The following ITGA9 variants were observed in gnomAD, a reference collection of about 807,000 sequenced individuals.
ITGA9 encodes integrin alpha-9.
In ITGA9, 56 loss-of-function variants were observed where a neutral mutation model predicts 127.8. That is an observed-to-expected ratio of 0.44 (90% CI 0.35 to 0.55). ITGA9 has a LOEUF of 0.55. ITGA9 is among the 20% of genes least tolerant of loss of function. ITGA9 has a pLI of 0.00. For missense variants in ITGA9, 1,196 were observed against 1,347.1 expected (o/e 0.89, Z 1.76); for synonymous variants, 508 against 514.5 (o/e 0.99, Z 0.17).
At chr3:37,708,314 C>A (rs916376343) in intron 18 of ITGA9, among the ~76,000 whole-genome samples, 5 of 152,154 alleles carry the variant, frequency 3.3e-5, no homozygotes, top group African/African-American at 4.8e-5. Flanking sequence ...AGGCCTGGAA[C>A]AGACAGCATC....
intron 15 of ITGA9, among the ~76,000 whole-genome samples, chr3:37,606,970 C>CT (rs11306321): frequency 0.015 from 1,568 of 103,728 alleles, 23 homozygotes; most frequent in Middle Eastern, 0.051. Flanking sequence ...CTCATGGCTC[C>CT]TTTTTTTTTT....
At position 37,540,139 on chromosome 3, in the gene ITGA9, C is replaced by T. The variant is rs753332081; in HGVS notation, c.1529-2286C>T. On this transcript the variant is annotated intron_variant, in intron 14 of 27. Coordinates refer to ENST00000264741, the MANE Select transcript of ITGA9 (RefSeq NM_002207.3). ...CCACCCAGGTTTTCTCTGAGCTCAG[C>T]TAGTTCATCTCTGGTAAGATAGTCC... Among the ~76,000 whole-genome samples, 196 of 152,304 alleles carry T rather than the reference C, an allele frequency of 1.3e-3. 2 individuals carry two copies. The highest frequency in any genetic ancestry group is 8.3e-4 in the South Asian group (4 of 4,826).
At chr3:37,784,850 A>G in intron 25 of ITGA9, 127 bp from the exon 26 acceptor site, 1 of 733,848 alleles carries the variant, frequency 1.4e-6, no homozygotes. Flanking sequence ...AGAGGTATCT[A>G]GTTCAATGAT....
intron 4 of ITGA9, among the ~76,000 whole-genome samples, chr3:37,491,517 T>C (rs1698672990): frequency 6.6e-6 from 1 of 152,224 alleles, no homozygotes; most frequent in African/African-American, 2.4e-5. Context: ...CAGGAAAAGT[T>C]CTTCCTGGGA....
chr3:37,544,616 A>G (rs1699307735), intron 15 of ITGA9, among the ~76,000 whole-genome samples: 1 of 152,156 alleles, frequency 6.6e-6, no homozygotes, highest in Non-Finnish European at 1.5e-5. Flanking sequence ...AAGAGTTTGG[A>G]GGCTGAGCTC....
chr3:37,802,580 G>A (rs556236503), intron 26 of ITGA9, among the ~76,000 whole-genome samples: 70 of 152,290 alleles, frequency 4.6e-4, no homozygotes, highest in Non-Finnish European at 8.5e-4. Flanking sequence ...GCTTAAATGG[G>A]ACAGTGGTGT....
chr3:37,706,013 G>A (rs1448131483), intron 18 of ITGA9, among the ~76,000 whole-genome samples: 1 of 152,196 alleles, frequency 6.6e-6, no homozygotes, highest in Non-Finnish European at 1.5e-5. Context: ...ACTTAAGGTT[G>A]GAGGCAGCAA....
chr3:37,626,228 C>A (rs1057391618), intron 15 of ITGA9, among the ~76,000 whole-genome samples: 2 of 152,190 alleles, frequency 1.3e-5, no homozygotes, highest in Non-Finnish European at 1.5e-5. Flanking sequence ...GATGTCAGAA[C>A]CTGATGTAGT....
intron 17 of ITGA9, among the ~76,000 whole-genome samples, chr3:37,674,181 G>A (rs1478241814): frequency 6.6e-6 from 1 of 152,198 alleles, no homozygotes; most frequent in Non-Finnish European, 1.5e-5. Flanking sequence ...GTGTCATGAA[G>A]GAGAGGCCCC....
chr3:37,711,939 G>A (rs1701083972), intron 18 of ITGA9, among the ~76,000 whole-genome samples: 1 of 152,144 alleles, frequency 6.6e-6, no homozygotes, highest in Admixed American at 6.6e-5. Flanking sequence ...GAGCAGCCCT[G>A]CAAATACAGA....
At chr3:37,780,812 C>G (rs1696968075) in intron 25 of ITGA9, among the ~76,000 whole-genome samples, 2 of 152,180 alleles carry the variant, frequency 1.3e-5, no homozygotes, top group Non-Finnish European at 2.9e-5. Context: ...GTTCCCTTTT[C>G]TTTGCATCCT....
intron 22 of ITGA9, 70 bp downstream of exon 22, chr3:37,744,104 A>C (rs1201715246): frequency 9.7e-7 from 1 of 1,030,854 alleles, no homozygotes. Flanking sequence ...TCTCTCCTAC[A>C]GAGGGCTAAG....
chr3:37,764,435 A>G (rs1470642874), intron 23 of ITGA9, among the ~76,000 whole-genome samples: 1 of 145,972 alleles, frequency 6.9e-6, no homozygotes, highest in African/African-American at 2.5e-5. Flanking sequence ...ATTTATCCGT[A>G]TAATGCTCAG....
At chr3:37,688,648 T>G (rs1700802379) in intron 18 of ITGA9, among the ~76,000 whole-genome samples, 2 of 152,116 alleles carry the variant, frequency 1.3e-5, no homozygotes, top group South Asian at 4.2e-4. Context: ...CATACTCACT[T>G]GAATCAGTCG....
chr3:37,741,415 C>T (rs958850557), intron 20 of ITGA9, among the ~76,000 whole-genome samples: 11 of 152,182 alleles, frequency 7.2e-5, no homozygotes, highest in South Asian at 2.1e-4. Flanking sequence ...GCCGACAGCA[C>T]GACCCTCCTG....
chr3:37,782,852 T>C (rs999395350), intron 25 of ITGA9, among the ~76,000 whole-genome samples: 3 of 152,164 alleles, frequency 2.0e-5, no homozygotes, highest in Admixed American at 6.5e-5. Flanking sequence ...TTAAAATCAC[T>C]GTAGGAGCCG....
chr3:37,472,162 T>C (rs1289040646), intron 2 of ITGA9, among the ~76,000 whole-genome samples: 4 of 152,188 alleles, frequency 2.6e-5, no homozygotes, highest in East Asian at 3.8e-4. Context: ...CTGGGACTGA[T>C]TGGGAATGTC....
chr3:37,540,487 A>G (rs1256413971), intron 14 of ITGA9, among the ~76,000 whole-genome samples: 5 of 152,236 alleles, frequency 3.3e-5, no homozygotes, highest in African/African-American at 9.6e-5. Context: ...CCTGCTATCC[A>G]TGCATTCAAA....
intron 16 of ITGA9, among the ~76,000 whole-genome samples, chr3:37,653,384 AAGAC>A (rs1185240912): frequency 6.6e-6 from 1 of 152,180 alleles, no homozygotes; most frequent in Non-Finnish European, 1.5e-5. Flanking sequence ...GAGCATCTGA[AAGAC>A]AGTCTCACAC....
Sources: allele counts gnomAD v4.1 joint callset (sites outside exome capture counted in the v4.1 genomes callset), GRCh38; gene constraint gnomAD v4.1.1; transcripts MANE v1.5; gene names NCBI Gene and HGNC (gene_info 2026-07-23, HGNC 2026-07-21).